USF3: variants seen among roughly 807,000 people sequenced by gnomAD.
USF3 encodes basic helix-loop-helix domain-containing protein USF3.
In USF3, 29 loss-of-function variants were observed where a neutral mutation model predicts 157.5. The ratio of observed to expected loss-of-function variants is 0.18; its 90% CI spans 0.14 to 0.25. The LOEUF (loss-of-function observed/expected upper bound fraction) is 0.25, where lower values mean the gene tolerates loss of function less well. USF3 is among the 10% of genes least tolerant of loss of function. The probability of loss-of-function intolerance (pLI) is 1.00; values close to 1 mark genes in which losing one functional copy is unlikely to be tolerated. For missense variants in USF3, 2,381 were observed against 2,667.6 expected (o/e 0.89, Z 2.37); for synonymous variants, 893 against 941.4 (o/e 0.95, Z 0.94).
Position 113,658,115 on chromosome 3 carries a change from T to C in USF3, c.3567A>G (p.Ala1189=). The C allele has an allele frequency of 1.9e-6, 3 of 1,614,172 alleles. No homozygotes were observed. Among genetic ancestry groups the C allele is most frequent in the South Asian group, 1.1e-5 (1 of 91,084 alleles). Residue 1189 remains alanine (A), a synonymous_variant, in exon 7 of 7, where the codon GCA becomes GCG. Transcript: ENST00000316407. ...AATTAAATTCATTTGGTGTTGCTTC[T>C]GCCTGTCCTGTGCCACTCTCTTTAG... ...QIPKESGTGQ[A]EATPNEFNSQ...
intron 1 of USF3, among the ~76,000 whole-genome samples, chr3:113,693,458 A>G (rs1707732335): frequency 6.6e-6 from 1 of 152,192 alleles, no homozygotes; most frequent in South Asian, 2.1e-4. Context: ...GAAATTAAGA[A>G]AAGATATGAA....
chr3:113,654,568 T>C lies in USF3; in HGVS notation c.*376A>G. The stretch of plus-strand genomic sequence containing the variant: ...TTATCAAGCTGCCTATATTTTTCAG[T>C]AGCAACTTACCTACATATTCCATAA... On this transcript the variant is annotated 3_prime_UTR_variant, in exon 7 of 7. Transcript: ENST00000316407. 1 of 177,332 alleles carries C rather than the reference T, an allele frequency of 5.6e-6. No homozygotes were observed. The allele number at this position is 177,332 out of a possible 1,614,324, so 11.0% of individuals were successfully genotyped here.
rs373834496 is a variant in USF3 at position 113,679,009 on chromosome 3, G to GTCTCTCTCTC, written c.-134-1622_-134-1613dup. ...ATCTCACTATGCTGTCCAGGCTGGTGTCTCTCTCTCTCTCTCTCTCTCTCT... is the reference window on the plus strand; with the variant it reads ...ATCTCACTATGCTGTCCAGGCTGGTGTCTCTCTCTCTCTCTCTCTCTCTCTCTCTCTCTCT... On this transcript the variant is annotated intron_variant, in intron 1 of 6. Transcript: ENST00000316407. Among the ~76,000 whole-genome samples the GTCTCTCTCTC allele has an allele frequency of 8.3e-3, 1,197 of 144,098 alleles. 9 individuals carry two copies. The highest frequency in any genetic ancestry group is 0.015 in the African/African-American group (571 of 38,834). 94.5% of individuals were successfully genotyped at this position (144,098 alleles called of 152,430 possible). A position where few individuals can be genotyped will look rare whatever the true frequency, so the allele number is the denominator to read the frequency against.
Position 113,680,947 on chromosome 3 carries a change from C to T in USF3, c.-134-3550G>A, listed in dbSNP as rs555193655. On this transcript the variant is annotated intron_variant, in intron 1 of 6. Coordinates refer to ENST00000316407, the MANE Select transcript of USF3 (RefSeq NM_001009899.4). ...TGCTTTTCTAGTTTCTTAAGATGTA[C>T]TGTTAGGTTCTTTATTTGAAGTTTT... Among the ~76,000 whole-genome samples the T allele has an allele frequency of 7.2e-5, 11 of 151,748 alleles. 1 individual carries two copies. In the South Asian group the frequency reaches 2.3e-3, roughly 32 times the overall value.
In USF3 at chr3:113,650,809, A is replaced by G. The variant is rs1431429098; in HGVS notation, c.*4135T>C. ...TGATATGTGACTGGAAAATGCTGCA[A>G]AAAAATAACCCCCTCCTTTCTCTTT... is the stretch of plus-strand genomic sequence containing the variant. On this transcript the variant is annotated 3_prime_UTR_variant, in exon 7 of 7. Coordinates refer to ENST00000316407, the MANE Select transcript of USF3 (RefSeq NM_001009899.4). 6.6e-6 allele frequency: 1 copy of G among 152,142 alleles called. No homozygotes were observed. 9.4% of individuals were successfully genotyped at this position (152,142 alleles called of 1,614,324 possible). A position where few individuals can be genotyped will look rare whatever the true frequency, so the allele number is the denominator to read the frequency against.
In USF3 at chr3:113,649,606, T is replaced by C. The variant is rs1947226067; in HGVS notation, c.*5338A>G. On this transcript the variant is annotated 3_prime_UTR_variant, in exon 7 of 7. Transcript: ENST00000316407. ...CAGCTGTACTTGTCGAGAAGGTGTC[T>C]GATTACACAGCGTGTACCATCCCAG... is the stretch of plus-strand genomic sequence containing the variant. 1 of 404,148 alleles carries C rather than the reference T, an allele frequency of 2.5e-6. No homozygotes were observed. 25.0% of individuals were successfully genotyped at this position (404,148 alleles called of 1,614,324 possible). A position where few individuals can be genotyped will look rare whatever the true frequency, so the allele number is the denominator to read the frequency against.
intron 1 of USF3, among the ~76,000 whole-genome samples, chr3:113,680,265 T>C (rs1286213078): frequency 6.6e-6 from 1 of 152,040 alleles, no homozygotes; most frequent in African/African-American, 2.4e-5. Context: ...AATTATGACT[T>C]TGATATCATT....
Position 113,650,123 on chromosome 3 carries a change from A to G in USF3, c.*4821T>C. On this transcript the variant is annotated 3_prime_UTR_variant, in exon 7 of 7. Transcript: ENST00000316407. ...CTCCAGGCAAAGGTAGCATTTATAT[A>G]GACAACAAAATTACAAAAATGGCTT... is the stretch of plus-strand genomic sequence containing the variant. 2.2e-6 allele frequency: 1 copy of G among 464,378 alleles called. No individual in the cohort carries two copies. The highest frequency in any genetic ancestry group is 3.8e-6 in the Non-Finnish European group (1 of 260,920). 28.8% of individuals were successfully genotyped at this position (464,378 alleles called of 1,614,324 possible).
At chr3:113,666,045 G>A (rs1014441660) in intron 5 of USF3, among the ~76,000 whole-genome samples, 1 of 151,552 alleles carries the variant, frequency 6.6e-6, no homozygotes, top group African/African-American at 2.4e-5. Flanking sequence ...TTAGCAGGGC[G>A]TGGTGGCACA....
Position 113,649,720 on chromosome 3 carries a change from A to G in USF3, c.*5224T>C, listed in dbSNP as rs544334933. On this transcript the variant is annotated 3_prime_UTR_variant, in exon 7 of 7. Transcript: ENST00000316407. ...AGAGGCACAGTTTCAGGTAAAGTGCAGGAACAGGGTAGAGGCTACAGGTGG... is the reference window on the plus strand; with the variant it reads ...AGAGGCACAGTTTCAGGTAAAGTGCGGGAACAGGGTAGAGGCTACAGGTGG... The G allele has an allele frequency of 1.2e-5, 8 of 657,334 alleles. No individual in the cohort carries two copies. The Admixed American group carries it at 1.7e-4, about 14-fold the overall frequency. The allele number at this position is 657,334 out of a possible 1,614,324, so 40.7% of individuals were successfully genotyped here.
chr3:113,666,145 T>C (rs75278968), intron 5 of USF3, among the ~76,000 whole-genome samples: 1 of 148,566 alleles, frequency 6.7e-6, no homozygotes, highest in African/African-American at 2.5e-5. Context: ...GATTGTGCCA[T>C]TGCACTCCAG....
chr3:113,675,662 T>G (rs958629362), intron 2 of USF3, among the ~76,000 whole-genome samples: 1 of 152,232 alleles, frequency 6.6e-6, no homozygotes, highest in Non-Finnish European at 1.5e-5. Flanking sequence ...GTGATGCTTT[T>G]ATATCCCAGA....
At chr3:113,665,458 C>CA (rs574108651) in intron 5 of USF3, among the ~76,000 whole-genome samples, 1 of 152,128 alleles carries the variant, frequency 6.6e-6, no homozygotes, top group Non-Finnish European at 1.5e-5. Context: ...TAAGCTTTTT[C>CA]AAAAAGATTG....
intron 5 of USF3, among the ~76,000 whole-genome samples, chr3:113,665,254 G>A (rs946955855): frequency 3.3e-5 from 5 of 152,188 alleles, no homozygotes; most frequent in African/African-American, 7.2e-5. Flanking sequence ...GGAGGTGAGC[G>A]GAGCTACAGT....
In USF3 at chr3:113,648,751, T is replaced by C. The variant is rs1316623083; in HGVS notation, c.*6193A>G. 6.6e-6 allele frequency: 1 copy of C among 152,578 alleles called. No homozygotes were observed. The highest frequency in any genetic ancestry group is 1.5e-5 in the Non-Finnish European group (1 of 68,016). 9.5% of individuals were successfully genotyped at this position (152,578 alleles called of 1,614,324 possible). On this transcript the variant is annotated 3_prime_UTR_variant, in exon 7 of 7. Transcript: ENST00000316407. ...GGTAATAGATACAAATATTACACTATTGAAAGCACTAAAATTAGTTTTTTT... is the reference window on the plus strand; with the variant it reads ...GGTAATAGATACAAATATTACACTACTGAAAGCACTAAAATTAGTTTTTTT...
In USF3 at chr3:113,658,642, T is replaced by C; in HGVS notation, c.3040A>G (p.Lys1014Glu). 1 of 1,614,066 alleles carries C rather than the reference T, an allele frequency of 6.2e-7. No homozygotes were observed. Among genetic ancestry groups the C allele is most frequent in the Non-Finnish European group, 8.5e-7 (1 of 1,180,014 alleles). ...LTTLLSDLAK[K>E]KNPQKSSLSD... ...AGAGATGATTTCTGAGGGTTTTTTT[T>C]TTTAGCAAGATCAGATAGCAATGTA... is the stretch of plus-strand genomic sequence containing the variant. The change falls in exon 7 of 7, where the codon AAA becomes GAA. Residue 1014 changes from lysine (K) to glutamate (E), a missense_variant. Physicochemically the swap from Lys to Glu is moderately conservative, Grantham distance 56 (BLOSUM62 1). Around this residue, in one of 6 missense-constraint regions of USF3, gnomAD observed 1,435 missense variants for 1,550.9 expected, o/e 0.93. Coordinates refer to ENST00000316407, the MANE Select transcript of USF3 (RefSeq NM_001009899.4).
intron 4 of USF3, among the ~76,000 whole-genome samples, chr3:113,672,509 C>T (rs1396048759): frequency 6.6e-6 from 1 of 151,550 alleles, no homozygotes; most frequent in Non-Finnish European, 1.5e-5. Context: ...TTAATTTATA[C>T]AGCAAAAAAA....
rs752635050 is a variant in USF3, at chr3:113,664,426, TAA to T, written c.160-19_160-18del. 7.6e-5 allele frequency: 113 copies of T among 1,480,794 alleles called. 2 individuals carry two copies. In the South Asian group the frequency reaches 1.2e-3, roughly 16 times the overall value. The allele number at this position is 1,480,794 out of a possible 1,614,324, so 91.7% of individuals were successfully genotyped here. On this transcript the variant is annotated intron_variant, in intron 5 of 6. Transcript: ENST00000316407. ...ATTCTTGCTCTGTCCAAGAAAATTT[TAA>T]AAGTTTACAAGTTTCACTGAAGGGT...
rs1177214968 is a variant in USF3, at chr3:113,660,057, G to C, written c.1625C>G (p.Ala542Gly). The C allele has an allele frequency of 6.2e-7, 1 of 1,614,206 alleles. No homozygotes were observed. Among genetic ancestry groups the C allele is most frequent in the Non-Finnish European group, 8.5e-7 (1 of 1,180,032 alleles). ...TTGATTAGTTGGAGCTGAATTAACA[G>C]CTGACCCAACTGGCTGAGCCATCTG... ...VIQMAQPVGS[A>G]VNSAPTNQNV... Residue 542 changes from alanine (A) to glycine (G), a missense_variant, in exon 7 of 7, where the codon GCT becomes GGT. By Grantham distance (60) the Ala-to-Gly change is moderately conservative. Transcript: ENST00000316407.
Sources: allele counts gnomAD v4.1 joint callset (sites outside exome capture counted in the v4.1 genomes callset), GRCh38; gene constraint gnomAD v4.1.1; regional missense constraint gnomAD v4.1.1; transcripts MANE v1.5; gene names NCBI Gene and HGNC (gene_info 2026-07-23, HGNC 2026-07-21).